Variants in ATXN2 observed in about 807,000 individuals in gnomAD.
ATXN2 encodes the protein ataxin-2.
ATXN2 carries 37 observed loss-of-function variants against 138.6 expected under a neutral mutation model. The ratio of observed to expected loss-of-function variants is 0.27; its 90% CI spans 0.21 to 0.35. The LOEUF is 0.35. Among genes scored for constraint, ATXN2 ranks in the 10% least tolerant of loss-of-function variants. ATXN2 has a pLI of 1.00. For missense variants in ATXN2, 1,216 were observed against 1,480.3 expected, an observed-to-expected ratio of 0.82 and a Z score of 2.93; for synonymous variants, 549 against 543.7, an observed-to-expected ratio of 1.01 and a Z score of -0.13.
intron 1 of ATXN2, among the ~76,000 whole-genome samples, chr12:111,566,749 G>A (rs1443378281): frequency 6.6e-6 from 1 of 151,574 alleles, no homozygotes; most frequent in Non-Finnish European, 1.5e-5. Context: ...CGATTCTCCT[G>A]CCTCAGTCTC....
chr12:111,492,091 G>A (rs1450597032), intron 14 of ATXN2, among the ~76,000 whole-genome samples: 1 of 152,174 alleles, frequency 6.6e-6, no homozygotes, highest in East Asian at 1.9e-4. Context: ...GGCCTTGGGT[G>A]AGACCAAGTA....
In ATXN2 at chr12:111,599,128, G is replaced by A. The variant is rs1193954544; in HGVS notation, c.-94C>T. 2 of 1,226,150 alleles carry A rather than the reference G, an allele frequency of 1.6e-6. No individual in the cohort carries two copies. The highest frequency in any genetic ancestry group is 3.2e-5 in the African/African-American group (2 of 63,220). 76.0% of individuals were successfully genotyped at this position (1,226,150 alleles called of 1,614,324 possible). On this transcript the variant is annotated 5_prime_UTR_variant, in exon 1 of 25. Coordinates refer to ENST00000673436, the MANE Select transcript of ATXN2 (RefSeq NM_001372574.1). ...CGCCGGAACGCGGCGGGGACGCGCG[G>A]GCGCCGAGCGGGGAGGCGCGGGTTG...
intron 23 of ATXN2, chr12:111,455,324 G>T (rs961582902): frequency 1.9e-6 from 1 of 535,658 alleles, no homozygotes; most frequent in African/African-American, 1.9e-5. Flanking sequence ...TGGAGTGCAG[G>T]GACCTTTGTC....
intron 20 of ATXN2, among the ~76,000 whole-genome samples, chr12:111,468,204 G>A (rs1225612441): frequency 1.3e-5 from 2 of 152,184 alleles, no homozygotes; most frequent in East Asian, 1.9e-4. Flanking sequence ...TAAATCAATC[G>A]TGCCTTTGCA....
intron 5 of ATXN2, among the ~76,000 whole-genome samples, chr12:111,533,349 G>A (rs1050073182): frequency 1.4e-4 from 22 of 152,014 alleles, no homozygotes; most frequent in African/African-American, 5.3e-4. Context: ...GATACAAAGT[G>A]GTGTAGTATT....
Position 111,535,181 on chromosome 12 carries a change from T to C in ATXN2, c.572-9865A>G, listed in dbSNP as rs1041042946. On this transcript the variant is annotated intron_variant, in intron 5 of 24. Coordinates refer to ENST00000673436, the MANE Select transcript of ATXN2 (RefSeq NM_001372574.1). The stretch of plus-strand genomic sequence containing the variant: ...TTTAAAATGTAAAGTTTAACAGCCA[T>C]TGTTACAGGCAATAAAAACAAACCA... Among the ~76,000 whole-genome samples the C allele has an allele frequency of 5.9e-5, 9 of 152,280 alleles. 1 individual carries two copies. In the South Asian group the frequency reaches 1.9e-3, roughly 32 times the overall value.
At chr12:111,492,635 C>CTG in intron 14 of ATXN2, among the ~76,000 whole-genome samples, 1 of 151,770 alleles carries the variant, frequency 6.6e-6, no homozygotes, top group African/African-American at 2.4e-5. Context: ...TGAGCAAAGA[C>CTG]TGTGCCACTG....
At chr12:111,530,341 C>T (rs1592867269) in intron 5 of ATXN2, among the ~76,000 whole-genome samples, 1 of 152,048 alleles carries the variant, frequency 6.6e-6, no homozygotes, top group African/African-American at 2.4e-5. Flanking sequence ...CTTTTAGAAT[C>T]GAATACAATG....
intron 14 of ATXN2, among the ~76,000 whole-genome samples, chr12:111,506,009 A>G (rs1228509367): frequency 8.5e-5 from 13 of 152,242 alleles, no homozygotes; most frequent in Admixed American, 8.5e-4. Context: ...TTAGTCAGTC[A>G]CAAAAAGAAA....
At chr12:111,478,950 C>T (rs1877020494) in intron 18 of ATXN2, 2 of 220,796 alleles carry the variant, frequency 9.1e-6, no homozygotes, top group East Asian at 1.7e-4. Flanking sequence ...GGGAGGTTGC[C>T]ATGAGCTGAA....
intron 20 of ATXN2, chr12:111,469,788 G>A (rs935378605): frequency 3.6e-5 from 13 of 364,360 alleles, no homozygotes; most frequent in Admixed American, 1.4e-4. Context: ...CTTGCATGTC[G>A]TAGGCAGGAT....
At chr12:111,569,454 C>T (rs762603295) in intron 1 of ATXN2, among the ~76,000 whole-genome samples, 8 of 152,232 alleles carry the variant, frequency 5.3e-5, no homozygotes, top group Non-Finnish European at 7.4e-5. Flanking sequence ...AAAGGCCAGT[C>T]GCAGTGGCCC....
chr12:111,568,415 T>C (rs1398219820), intron 1 of ATXN2, among the ~76,000 whole-genome samples: 1 of 152,246 alleles, frequency 6.6e-6, no homozygotes, highest in Non-Finnish European at 1.5e-5. Context: ...TCCTCCTCTA[T>C]ATGTCCTTCA....
chr12:111,525,418 A>C (rs1471292068), intron 5 of ATXN2, 102 bp from the exon 6 acceptor site: 11 of 1,233,458 alleles, frequency 8.9e-6, no homozygotes, highest in Non-Finnish European at 1.2e-5. Context: ...AACAATTACG[A>C]AAAATGAATT....
chr12:111,528,045 A>G (rs990064101), intron 5 of ATXN2, among the ~76,000 whole-genome samples: 1 of 152,214 alleles, frequency 6.6e-6, no homozygotes, highest in African/African-American at 2.4e-5. Flanking sequence ...AACGAGTCAT[A>G]TTATCTTCTG....
At chr12:111,454,733 G>A in intron 23 of ATXN2, 1 of 347,952 alleles carries the variant, frequency 2.9e-6, no homozygotes, top group Non-Finnish European at 5.5e-6. Flanking sequence ...ATTCAAACGG[G>A]CACATGGCAA....
intron 1 of ATXN2, among the ~76,000 whole-genome samples, chr12:111,581,049 T>C (rs116396265): frequency 0.011 from 1,532 of 145,070 alleles, 21 homozygotes; most frequent in African/African-American, 0.038. Context: ...GAGACAGGAA[T>C]AGCTTGAACC....
At chr12:111,566,790 C>T (rs1454219782) in intron 1 of ATXN2, among the ~76,000 whole-genome samples, 6 of 152,086 alleles carry the variant, frequency 3.9e-5, no homozygotes, top group African/African-American at 1.4e-4. Context: ...GCGCCCGCCA[C>T]CACATCCCCG....
intron 18 of ATXN2, among the ~76,000 whole-genome samples, chr12:111,482,350 A>G (rs1466245566): frequency 6.6e-6 from 1 of 151,932 alleles, no homozygotes; most frequent in Non-Finnish European, 1.5e-5. Flanking sequence ...ACCTGCCACC[A>G]CGCTCAGCTA....
Sources: gnomAD v4.1 joint callset for allele counts (sites outside exome capture counted in the v4.1 genomes callset) on GRCh38, gnomAD v4.1.1 for gene constraint, MANE v1.5 for transcripts, NCBI Gene and HGNC (gene_info 2026-07-23, HGNC 2026-07-21) for gene names.